The following RNF212B variants were observed in gnomAD, a reference collection of about 807,000 sequenced individuals.
RNF212B encodes E3 ubiquitin-protein ligase RNF212B.
RNF212B carries 52 observed loss-of-function variants against 55.5 expected under a neutral mutation model. The observed-to-expected ratio is 0.94, with a 90% CI of 0.75 to 1.18. The LOEUF (loss-of-function observed/expected upper bound fraction) is 1.18. RNF212B is among the 50% of genes most tolerant of loss of function. The pLI is 0.00. For missense variants in RNF212B, 289 were observed against 350.4 expected (o/e 0.82, Z 1.40); for synonymous variants, 99 against 121.4 (o/e 0.82, Z 1.21).
At chr14:23,215,342 T>A (rs532738513) in intron 2 of RNF212B, among the ~76,000 whole-genome samples, 1 of 152,314 alleles carries the variant, frequency 6.6e-6, no homozygotes, top group East Asian at 1.9e-4. Context: ...TATAGCAGCA[T>A]CAAGACAGAC....
At chr14:23,201,693 A>G (rs1879302592) in intron 2 of RNF212B, among the ~76,000 whole-genome samples, 1 of 152,226 alleles carries the variant, frequency 6.6e-6, no homozygotes, top group Non-Finnish European at 1.5e-5. Flanking sequence ...TAAAAGGTTT[A>G]AAACACTTGA....
chr14:23,194,734 C>CAAAAAAAA (rs34019946), intron 2 of RNF212B, among the ~76,000 whole-genome samples: 2 of 74,966 alleles, frequency 2.7e-5, no homozygotes, highest in Non-Finnish European at 5.0e-5. Context: ...GACTCTGTCT[C>CAAAAAAAA]AAAAAAAAAA....
intron 2 of RNF212B, among the ~76,000 whole-genome samples, chr14:23,231,188 G>A (rs968085399): frequency 2.6e-5 from 4 of 152,136 alleles, no homozygotes; most frequent in African/African-American, 7.2e-5. Context: ...CATTGAATCC[G>A]TATATAGCTT....
upstream of RNF212B, among the ~76,000 whole-genome samples, chr14:23,235,846 G>A (rs1883055195): frequency 6.6e-6 from 1 of 152,142 alleles, no homozygotes; most frequent in African/African-American, 2.4e-5. Context: ...TCCATTTAAA[G>A]TGCAAAACAG....
Position 23,259,704 on chromosome 14 carries a change from T to G in RNF212B, c.345-180T>G, listed in dbSNP as rs1021895247. On this transcript the variant is annotated intron_variant, in intron 5 of 14. Transcript: ENST00000430154. ...TTGCTTATTTTGTCCACCTAATTGTTCTCATTATCAAAACCCTGCCATTAG... is the reference window on the plus strand; with the variant it reads ...TTGCTTATTTTGTCCACCTAATTGTGCTCATTATCAAAACCCTGCCATTAG... 4 of 414,414 alleles carry G rather than the reference T, an allele frequency of 9.7e-6. No individual in the cohort carries two copies. The South Asian group carries it at 1.9e-4, about 19-fold the overall frequency. The allele number at this position is 414,414 out of a possible 1,614,324, so 25.7% of individuals were successfully genotyped here.
intron 4 of RNF212B, among the ~76,000 whole-genome samples, chr14:23,247,088 C>G (rs1884039372): frequency 6.7e-6 from 1 of 149,400 alleles, no homozygotes; most frequent in African/African-American, 2.5e-5. Context: ...TGCGGTGAGC[C>G]AAGATCGCAC....
At chr14:23,212,638 G>A (rs750810819) in intron 2 of RNF212B, among the ~76,000 whole-genome samples, 18 of 151,970 alleles carry the variant, frequency 1.2e-4, no homozygotes, top group Non-Finnish European at 2.1e-4. Context: ...CTGGAGTGCA[G>A]TGGCGCAGTC....
chr14:23,187,175 TA>T (rs1362104079), intron 1 of RNF212B, among the ~76,000 whole-genome samples: 3 of 152,288 alleles, frequency 2.0e-5, no homozygotes, highest in East Asian at 1.9e-4. Context: ...TCCCTTTAAC[TA>T]GGGAAAATTA....
intron 1 of RNF212B, among the ~76,000 whole-genome samples, chr14:23,191,576 G>A (rs1878128076): frequency 6.6e-6 from 1 of 151,996 alleles, no homozygotes; most frequent in South Asian, 2.1e-4. Flanking sequence ...AGATATATAT[G>A]CCAATATATT....
At chr14:23,201,704 T>G (rs1879303488) in intron 2 of RNF212B, among the ~76,000 whole-genome samples, 1 of 152,214 alleles carries the variant, frequency 6.6e-6, no homozygotes, top group South Asian at 2.1e-4. Flanking sequence ...AAACACTTGA[T>G]ATTACAAAAT....
intron 2 of RNF212B, among the ~76,000 whole-genome samples, chr14:23,223,714 A>C (rs1881769303): frequency 6.6e-6 from 1 of 152,180 alleles, no homozygotes; most frequent in Non-Finnish European, 1.5e-5. Flanking sequence ...ACTGTTATTC[A>C]ACATAGGACT....
At chr14:23,258,693 C>CTT (rs10547691) in intron 5 of RNF212B, 29 bp downstream of exon 5, 681 of 590,316 alleles carry the variant, frequency 1.2e-3, no homozygotes, top group South Asian at 4.2e-3. Flanking sequence ...CCCAAGAGAG[C>CTT]TTTTTTTTTT....
chr14:23,238,752 T>C (rs554816337), intron 1 of RNF212B, among the ~76,000 whole-genome samples: 69 of 133,084 alleles, frequency 5.2e-4, no homozygotes, highest in African/African-American at 1.9e-3. Flanking sequence ...ATAATAATAA[T>C]AATAATAATA....
chr14:23,228,451 C>G (rs938658132), intron 2 of RNF212B, among the ~76,000 whole-genome samples: 1 of 139,682 alleles, frequency 7.2e-6, no homozygotes, highest in African/African-American at 2.7e-5. Flanking sequence ...ATAGTAAAAC[C>G]CTATCTCTAC....
chr14:23,191,323 T>C (rs1594853767), intron 1 of RNF212B, among the ~76,000 whole-genome samples: 1 of 127,938 alleles, frequency 7.8e-6, no homozygotes, highest in Non-Finnish European at 1.6e-5. Flanking sequence ...CACTGCACCC[T>C]GGGCGACAAA....
intron 2 of RNF212B, among the ~76,000 whole-genome samples, chr14:23,227,876 G>A (rs1459607228): frequency 1.3e-5 from 2 of 151,580 alleles, no homozygotes; most frequent in Non-Finnish European, 2.9e-5. Context: ...TGGGATTACA[G>A]GCTTGAGTCA....
chr14:23,249,700 G>A (rs1352163043), intron 4 of RNF212B, among the ~76,000 whole-genome samples: 2 of 152,160 alleles, frequency 1.3e-5, no homozygotes, highest in African/African-American at 4.8e-5. Flanking sequence ...GCCAGTGTGA[G>A]GTAGTATTCC....
intron 2 of RNF212B, among the ~76,000 whole-genome samples, chr14:23,194,734 CAAAAAAA>C: frequency 1.3e-5 from 1 of 74,966 alleles, no homozygotes; most frequent in Non-Finnish European, 2.5e-5. Context: ...GACTCTGTCT[CAAAAAAA>C]AAAAAAAAAA....
chr14:23,267,292 C>T (rs1304095419), intron 11 of RNF212B, among the ~76,000 whole-genome samples: 1 of 151,962 alleles, frequency 6.6e-6, no homozygotes, highest in East Asian at 1.9e-4. Context: ...CTATTATTGT[C>T]AAATTGTCTT....
Sources: gnomAD v4.1 joint callset for allele counts (sites outside exome capture counted in the v4.1 genomes callset) on GRCh38, gnomAD v4.1.1 for gene constraint, MANE v1.5 for transcripts, NCBI Gene and HGNC (gene_info 2026-07-23, HGNC 2026-07-21) for gene names.